Variants in C4orf50 observed in about 807,000 individuals in gnomAD.
C4orf50 encodes the protein uncharacterized protein C4orf50.
A neutral mutation model predicts 77.2 loss-of-function variants in C4orf50; 80 were observed. The observed-to-expected ratio is 1.04, with a 90% CI of 0.87 to 1.25. The LOEUF (loss-of-function observed/expected upper bound fraction) is 1.25. Ranked by LOEUF, C4orf50 falls within the 50% of genes most tolerant of loss-of-function variation. C4orf50 has a pLI of 0.00. For synonymous variants in C4orf50, 532 were observed against 465.3 expected (o/e 1.14, Z -1.84); for missense variants, 1,257 against 1,152.9 (o/e 1.09, Z -1.31).
intron 29 of C4orf50, among the ~76,000 whole-genome samples, chr4:5,977,136 AC>A (rs940758033): frequency 6.6e-6 from 1 of 151,354 alleles, no homozygotes; most frequent in Non-Finnish European, 1.5e-5. Context: ...GCCGCCGGGG[AC>A]CCCCCAGCCG....
intron 28 of C4orf50, among the ~76,000 whole-genome samples, chr4:5,985,377 G>T (rs1457988740): frequency 6.6e-6 from 1 of 151,832 alleles, no homozygotes; most frequent in East Asian, 1.9e-4. Flanking sequence ...CTACATAGGA[G>T]TAATATATAA....
chr4:5,953,156 G>A (rs1416233902), downstream of C4orf50, among the ~76,000 whole-genome samples: 8 of 152,114 alleles, frequency 5.3e-5, no homozygotes, highest in South Asian at 4.1e-4. Flanking sequence ...TGATGTTCAC[G>A]CGACTTACTG....
At chr4:5,906,774 C>T (rs1716567280) in intron 7 of C4orf50, among the ~76,000 whole-genome samples, 1 of 152,168 alleles carries the variant, frequency 6.6e-6, no homozygotes, top group African/African-American at 2.4e-5. Context: ...TCTTTAGTCT[C>T]CTTCTCAAAA....
intron 7 of C4orf50, among the ~76,000 whole-genome samples, chr4:5,921,128 C>T (rs938419907): frequency 2.0e-5 from 3 of 152,232 alleles, no homozygotes; most frequent in Non-Finnish European, 4.4e-5. Flanking sequence ...AGTTCCAGCT[C>T]CCCATCCATT....
intron 7 of C4orf50, among the ~76,000 whole-genome samples, chr4:5,924,899 G>A (rs1443104444): frequency 6.6e-6 from 1 of 152,190 alleles, no homozygotes; most frequent in Admixed American, 6.5e-5. Flanking sequence ...GGTCCCAGTG[G>A]CCGCCAGGTG....
chr4:5,962,801 G>A (rs1439683438), intron 33 of C4orf50, among the ~76,000 whole-genome samples: 1 of 152,194 alleles, frequency 6.6e-6, no homozygotes, highest in Non-Finnish European at 1.5e-5. Flanking sequence ...GGCGCAGTAA[G>A]ATTTGGGTGT....
At chr4:5,988,197 T>A (rs1162855193) in intron 28 of C4orf50, 150 bp downstream of exon 6, 11 of 1,043,574 alleles carry the variant, frequency 1.1e-5, no homozygotes, top group Non-Finnish European at 1.5e-5. Flanking sequence ...CATTTCTCTG[T>A]TTTCTTTGTA....
At chr4:5,903,382 G>C (rs1424268504) in intron 7 of C4orf50, 1 of 152,146 alleles carries the variant, frequency 6.6e-6, no homozygotes, top group African/African-American at 2.4e-5. Flanking sequence ...TAGCCAAAAA[G>C]GTGGAAGCCA....
chr4:5,975,767 G>A (rs1720241236), intron 30 of C4orf50, 132 bp downstream of exon 8: 1 of 691,380 alleles, frequency 1.4e-6, no homozygotes, highest in African/African-American at 1.8e-5. Context: ...GGGATTACAG[G>A]TGTGAGCCAC....
chr4:6,013,073 C>T (rs1395272756), intron 23 of C4orf50, among the ~76,000 whole-genome samples: 1 of 152,190 alleles, frequency 6.6e-6, no homozygotes, highest in African/African-American at 2.4e-5. Flanking sequence ...AGCACTATGA[C>T]CCTCAGTAAC....
At chr4:5,929,521 T>C (rs1235574333) in intron 7 of C4orf50, among the ~76,000 whole-genome samples, 2 of 152,188 alleles carry the variant, frequency 1.3e-5, no homozygotes, top group Admixed American at 6.5e-5. Flanking sequence ...CTGAAGTGAA[T>C]TGTGTTTTAA....
intron 7 of C4orf50, among the ~76,000 whole-genome samples, chr4:5,923,564 G>C (rs929345944): frequency 1.3e-5 from 2 of 152,030 alleles, no homozygotes; most frequent in Admixed American, 6.6e-5. Context: ...AGAACCCACA[G>C]GGCTGGGCGA....
chr4:5,966,426 G>T (rs944474697), intron 32 of C4orf50, among the ~76,000 whole-genome samples: 10 of 150,846 alleles, frequency 6.6e-5, no homozygotes, highest in Non-Finnish European at 1.5e-4. Context: ...AGTGAGCCGA[G>T]ATCACACCTT....
In C4orf50 at chr4:5,968,837, G is replaced by A. The variant is rs115519397; in HGVS notation, c.4105-1375C>T. On this transcript the variant is annotated intron_variant, in intron 31 of 33. Coordinates refer to ENST00000531445, the Ensembl canonical transcript of C4orf50. ...TGTTCGCCTTCGTAGAGGATACACC[G>A]ACAGAGTAGCCTCAAGCGCACTCAA... Among the ~76,000 whole-genome samples, 583 of 152,226 alleles carry A rather than the reference G, an allele frequency of 3.8e-3. 2 individuals are homozygous for A. The highest frequency in any genetic ancestry group is 0.014 in the African/African-American group (563 of 41,520).
rs1056980294 is a variant in C4orf50 at position 6,015,244 on chromosome 4, A to C, written c.287+2901T>G. Among the ~76,000 whole-genome samples, 2 of 152,128 alleles carry C rather than the reference A, an allele frequency of 1.3e-5. No homozygotes were observed. Among genetic ancestry groups the C allele is most frequent in the African/African-American group, 4.8e-5 (2 of 41,426 alleles). ...GATAAGCCCTTTCAAAGAGGCAATT[A>C]AGTTGAAAGAAAGTCATGAGCGTGG... On this transcript the variant is annotated intron_variant, in intron 23 of 33. Coordinates refer to ENST00000531445, the Ensembl canonical transcript of C4orf50. This position sits in a 1 kb window ranked among gnomAD's most constrained non-coding sequence, Gnocchi z 4.4.
chr4:5,973,540 A>C, intron 31 of C4orf50, 119 bp downstream of exon 9: 8 of 812,696 alleles, frequency 9.8e-6, no homozygotes, highest in Non-Finnish European at 1.4e-5. Context: ...CTTCTTGGGT[A>C]GTGTCCGCGG....
downstream of C4orf50, among the ~76,000 whole-genome samples, chr4:5,954,449 G>A (rs537206635): frequency 1.3e-5 from 2 of 152,276 alleles, no homozygotes; most frequent in Admixed American, 6.5e-5. The surrounding 1 kb of genome is among the most constrained non-coding windows in gnomAD (Gnocchi z 4.7). Context: ...GGGAGCAATG[G>A]GCTGAGATTC....
chr4:5,958,184 T>C lies in C4orf50; in HGVS notation c.*1191A>G, dbSNP rs1373816346. 1 of 152,090 alleles carries C rather than the reference T, an allele frequency of 6.6e-6. No individual in the cohort carries two copies. Among genetic ancestry groups the C allele is most frequent in the African/African-American group, 2.4e-5 (1 of 41,390 alleles). 9.4% of individuals were successfully genotyped at this position (152,090 alleles called of 1,614,324 possible). A position where few individuals can be genotyped will look rare whatever the true frequency, so the allele number is the denominator to read the frequency against. ...GGTGAGCCTGGGTCAGGGTCTGGTG[T>C]GTGTCGTCCAAGCCCCCTAGACTCT... On this transcript the variant is annotated 3_prime_UTR_variant, in exon 34 of 34. Coordinates refer to ENST00000531445, the Ensembl canonical transcript of C4orf50. The surrounding 1 kb of genome is among the most constrained non-coding windows in gnomAD (Gnocchi z 5.4).
intron 7 of C4orf50, among the ~76,000 whole-genome samples, chr4:5,949,989 CA>C (rs374177600): frequency 0.072 from 8,269 of 115,326 alleles, 623 homozygotes; most frequent in African/African-American, 0.23. Context: ...AACTCCATCT[CA>C]AAAAAAAAAA....
Sources: gnomAD v4.1 joint callset for allele counts (sites outside exome capture counted in the v4.1 genomes callset) on GRCh38, gnomAD v4.1.1 for gene constraint, Gnocchi (gnomAD v3.1) non-coding constraint, MANE v1.5 for transcripts, NCBI Gene and HGNC (gene_info 2026-07-23, HGNC 2026-07-21) for gene names.